The following SNX29 variants were observed in gnomAD, a reference collection of about 807,000 sequenced individuals.
The protein encoded by SNX29 is sorting nexin-29.
A neutral mutation model predicts 102.1 loss-of-function variants in SNX29; 78 were observed. The observed-to-expected ratio is 0.76, with a 90% confidence interval of 0.64 to 0.92. The LOEUF (loss-of-function observed/expected upper bound fraction) is 0.92, where lower values mean the gene tolerates loss of function less well. SNX29 is among the 40% of genes least tolerant of loss of function. The pLI, the probability that SNX29 is intolerant of heterozygous loss-of-function variation, is 0.00. For synonymous variants in SNX29, 580 were observed against 414.5 expected, an observed-to-expected ratio of 1.40 and a Z score of -4.85; for missense variants, 1,280 against 1,061.7, an observed-to-expected ratio of 1.21 and a Z score of -2.86.
intron 19 of SNX29, among the ~76,000 whole-genome samples, chr16:12,521,125 A>G (rs1336380816): frequency 3.3e-5 from 5 of 152,206 alleles, no homozygotes; most frequent in Non-Finnish European, 5.9e-5. Flanking sequence ...GGTTGCAGTG[A>G]GCTGAGATCG....
At chr16:12,559,568 A>G (rs998728841) in intron 20 of SNX29, among the ~76,000 whole-genome samples, 1 of 151,950 alleles carries the variant, frequency 6.6e-6, no homozygotes, top group African/African-American at 2.4e-5. Flanking sequence ...TTTTTCTTAT[A>G]CATAACTCAT....
At chr16:12,394,009 A>C (rs113431399) in intron 16 of SNX29, among the ~76,000 whole-genome samples, 1,611 of 152,358 alleles carry the variant, frequency 0.011, 39 homozygotes, top group African/African-American at 0.036. Flanking sequence ...GAGCTTATGT[A>C]CTTGGCTCAG....
At chr16:12,558,705 G>A (rs115091814) in intron 20 of SNX29, among the ~76,000 whole-genome samples, 1,894 of 152,158 alleles carry the variant, frequency 0.012, 37 homozygotes, top group African/African-American at 0.042. Context: ...CCCCCATCCC[G>A]TTTCTACGGG....
chr16:12,416,052 A>G (rs2084622715), intron 18 of SNX29, among the ~76,000 whole-genome samples: 1 of 152,070 alleles, frequency 6.6e-6, no homozygotes, highest in Non-Finnish European at 1.5e-5. Flanking sequence ...GGCTCTGAGG[A>G]TGGCCGCCTG....
chr16:12,132,380 G>A (rs1170932851), intron 13 of SNX29, among the ~76,000 whole-genome samples: 1 of 152,214 alleles, frequency 6.6e-6, no homozygotes, highest in Non-Finnish European at 1.5e-5. Flanking sequence ...GATTACAGGC[G>A]TGAGCCACCA....
At position 12,406,786 on chromosome 16, in the gene SNX29, G is replaced by A. The variant is rs945749621; in HGVS notation, c.2037+3257G>A. ...AGCTGAGCGTTGCTGTTGCATGCCT[G>A]TAATCCCAGCTACTTGGGAGGCTGA... On this transcript the variant is annotated intron_variant, in intron 18 of 20. Transcript: ENST00000566228. 4.6e-5 allele frequency among the ~76,000 whole-genome samples: 7 copies of A among 152,166 alleles called. No homozygotes were observed. In the East Asian group the frequency reaches 9.6e-4, roughly 21 times the overall value.
intron 20 of SNX29, among the ~76,000 whole-genome samples, chr16:12,540,053 C>T (rs374779519): frequency 6.6e-6 from 1 of 152,050 alleles, no homozygotes; most frequent in Non-Finnish European, 1.5e-5. Flanking sequence ...TTTTTGTGTC[C>T]CAGATCATGC....
chr16:12,145,510 G>C (rs1261082963), intron 13 of SNX29, among the ~76,000 whole-genome samples: 4 of 152,010 alleles, frequency 2.6e-5, no homozygotes, highest in African/African-American at 9.7e-5. Flanking sequence ...TTTCCCCCCT[G>C]CATATGAAAG....
chr16:12,085,533 G>C (rs1275640345), intron 11 of SNX29, among the ~76,000 whole-genome samples: 2 of 152,164 alleles, frequency 1.3e-5, no homozygotes, highest in Non-Finnish European at 2.9e-5. Context: ...TGCCATGTTG[G>C]CTAGGCTGGT....
chr16:12,424,872 C>T (rs972768073), intron 18 of SNX29, among the ~76,000 whole-genome samples: 1 of 152,184 alleles, frequency 6.6e-6, no homozygotes, highest in Non-Finnish European at 1.5e-5. Flanking sequence ...GAATTACAGT[C>T]TGTAGTGAGG....
At chr16:12,161,111 C>T (rs143837215) in intron 13 of SNX29, among the ~76,000 whole-genome samples, 70 of 152,260 alleles carry the variant, frequency 4.6e-4, no homozygotes, top group African/African-American at 1.6e-3. Context: ...TCTATCAGTC[C>T]CGCAATGATT....
intron 11 of SNX29, among the ~76,000 whole-genome samples, chr16:12,083,827 C>T (rs1171165076): frequency 6.6e-6 from 1 of 152,262 alleles, no homozygotes; most frequent in Non-Finnish European, 1.5e-5. Flanking sequence ...GCTTCACTCA[C>T]ATCCCGCCAA....
At chr16:12,377,721 G>T (rs944272617) in intron 16 of SNX29, among the ~76,000 whole-genome samples, 1 of 152,146 alleles carries the variant, frequency 6.6e-6, no homozygotes, top group Non-Finnish European at 1.5e-5. Flanking sequence ...CTTATCTCGG[G>T]CCTGCAGTTT....
chr16:12,008,675 A>G (rs1041892261), intron 3 of SNX29, among the ~76,000 whole-genome samples: 2 of 151,888 alleles, frequency 1.3e-5, no homozygotes, highest in African/African-American at 4.8e-5. Context: ...TATCAGGCTC[A>G]GAGCCGTCCT....
Position 12,297,568 on chromosome 16 carries a change from A to G in SNX29, c.1782+19532A>G, listed in dbSNP as rs768377071. Among the ~76,000 whole-genome samples the G allele has an allele frequency of 1.6e-4, 24 of 151,980 alleles. 1 individual carries two copies. Among genetic ancestry groups the G allele is most frequent in the Admixed American group, 3.3e-4 (5 of 15,262 alleles). On this transcript the variant is annotated intron_variant, in intron 15 of 20. Transcript: ENST00000566228. Reference sequence around the variant, plus strand: ...GCTAAGAGAGATCTGAGGTGTCCTCAGCACCCCCTGTTGTGTTATAAAGAT... The same window carrying G: ...GCTAAGAGAGATCTGAGGTGTCCTCGGCACCCCCTGTTGTGTTATAAAGAT...
At chr16:12,145,081 C>G (rs2055011175) in intron 13 of SNX29, among the ~76,000 whole-genome samples, 1 of 152,132 alleles carries the variant, frequency 6.6e-6, no homozygotes, top group Admixed American at 6.5e-5. Flanking sequence ...TGTTCTGCAA[C>G]TTGGTTTGCT....
intron 18 of SNX29, chr16:12,442,852 A>G (rs1010924679): frequency 5.1e-5 from 19 of 369,686 alleles, no homozygotes; most frequent in Middle Eastern, 6.1e-4. Context: ...TCTCAGCCTC[A>G]CAAGTCCTGG....
Position 12,568,762 on chromosome 16 carries a change from A to T in SNX29, c.*133A>T. ...ATCCTGAGAGCACACGATTCCCAACAGTTACACAACACCCCGATTAAACTA... is the reference window on the plus strand; with the variant it reads ...ATCCTGAGAGCACACGATTCCCAACTGTTACACAACACCCCGATTAAACTA... On this transcript the variant is annotated 3_prime_UTR_variant, in exon 21 of 21. Transcript: ENST00000566228. The T allele has an allele frequency of 7.4e-7, 1 of 1,342,746 alleles. No homozygotes were observed. Among genetic ancestry groups the T allele is most frequent in the Non-Finnish European group, 1.0e-6 (1 of 1,003,304 alleles). 83.2% of individuals were successfully genotyped at this position (1,342,746 alleles called of 1,614,324 possible).
At position 12,572,003 on chromosome 16, in the gene SNX29, C is replaced by G. The variant is rs757699604; in HGVS notation, c.*3374C>G. 5.6e-5 allele frequency: 59 copies of G among 1,062,414 alleles called. No homozygotes were observed. The highest frequency in any genetic ancestry group is 6.4e-5 in the Non-Finnish European group (56 of 877,572). 65.8% of individuals were successfully genotyped at this position (1,062,414 alleles called of 1,614,324 possible). ...CTTCACATCCAGTCACCAGTTGCAT[C>G]TAGGGAGCTGCTGGCTATAAAAGGG... On this transcript the variant is annotated 3_prime_UTR_variant, in exon 21 of 21. Transcript: ENST00000566228.
Sources: allele counts gnomAD v4.1 joint callset (sites outside exome capture counted in the v4.1 genomes callset), GRCh38; gene constraint gnomAD v4.1.1; transcripts MANE v1.5; gene names NCBI Gene and HGNC (gene_info 2026-07-23, HGNC 2026-07-21).